The following CELF4 variants were observed in gnomAD, a reference collection of about 807,000 sequenced individuals.
CELF4 encodes the protein CUGBP Elav-like family member 4, also known as CUG-BP- and ETR-3-like factor 4.
In CELF4, 18 loss-of-function variants were observed where a neutral mutation model predicts 59.9. The observed-to-expected ratio is 0.30, with a 90% confidence interval of 0.21 to 0.45. CELF4 has a LOEUF of 0.45. Among genes scored for constraint, CELF4 ranks in the 20% least tolerant of loss-of-function variants. The probability of loss-of-function intolerance (pLI) is 1.00; values close to 1 mark genes in which losing one functional copy is unlikely to be tolerated. For missense variants in CELF4, 456 were observed against 689.0 expected (o/e 0.66, Z 3.79); for synonymous variants, 261 against 267.1 (o/e 0.98, Z 0.22).
At chr18:37,496,655 C>G (rs1336951383) in intron 1 of CELF4, among the ~76,000 whole-genome samples, 1 of 152,202 alleles carries the variant, frequency 6.6e-6, no homozygotes, top group Non-Finnish European at 1.5e-5. Context: ...GAAAATGTGA[C>G]TTTCTTTTTA....
At chr18:37,479,388 C>G (rs777751113) in intron 2 of CELF4, among the ~76,000 whole-genome samples, 43 of 152,210 alleles carry the variant, frequency 2.8e-4, no homozygotes, top group Non-Finnish European at 4.4e-4. Context: ...ATTGTTGACA[C>G]TTGGGGCCAG....
rs5824062 is a variant in CELF4, at chr18:37,427,040, G to A, written c.369+58485C>T. On this transcript the variant is annotated intron_variant, in intron 2 of 12. Transcript: ENST00000420428. ...GGTGCTGGCAGCAGCAGGGACACGG[G>A]GGGGGGGGAAGCTGGGCACCCTGGG... Among the ~76,000 whole-genome samples, 1,120 of 146,606 alleles carry A rather than the reference G, an allele frequency of 7.6e-3. 18 individuals are homozygous for A. Among genetic ancestry groups the A allele is most frequent in the African/African-American group, 0.025 (988 of 39,928 alleles).
chr18:37,302,602 G>T (rs1362477077), intron 3 of CELF4, among the ~76,000 whole-genome samples: 1 of 152,220 alleles, frequency 6.6e-6, no homozygotes, highest in Admixed American at 6.5e-5. Flanking sequence ...TGGAGGTGGG[G>T]AGGTGGAGGG....
chr18:37,476,795 G>A (rs780182748), intron 2 of CELF4, among the ~76,000 whole-genome samples: 5 of 152,144 alleles, frequency 3.3e-5, no homozygotes, highest in African/African-American at 7.2e-5. Flanking sequence ...AGCCTCACAC[G>A]GATTCATGCA....
rs548487872 is a variant in CELF4 at position 37,352,952 on chromosome 18, T to C, written c.370-31071A>G. Among the ~76,000 whole-genome samples the C allele has an allele frequency of 6.6e-5, 10 of 152,116 alleles. No individual in the cohort carries two copies. The East Asian group carries it at 1.9e-3, about 30-fold the overall frequency. On this transcript the variant is annotated intron_variant, in intron 2 of 12. Coordinates refer to ENST00000420428, the MANE Select transcript of CELF4 (RefSeq NM_020180.4). ...AGAACCCTTTCTTGGCCGGGCGCGG[T>C]AGCTCACGCCTGTAATCCCAGCACT...
chr18:37,255,243 T>C lies in CELF4; in HGVS notation c.1334-1305A>G, dbSNP rs1489180487. Among the ~76,000 whole-genome samples, 7 of 151,988 alleles carry C rather than the reference T, an allele frequency of 4.6e-5. No individual in the cohort carries two copies. The East Asian group carries it at 1.4e-3, about 29-fold the overall frequency. On this transcript the variant is annotated intron_variant, in intron 11 of 12. Coordinates refer to ENST00000420428, the MANE Select transcript of CELF4 (RefSeq NM_020180.4). ...CGGGAGTGAAGTAGAAGCCGTCTTCTCAGTTTATTGTCTGTGGTACCTCGG... is the reference window on the plus strand; with the variant it reads ...CGGGAGTGAAGTAGAAGCCGTCTTCCCAGTTTATTGTCTGTGGTACCTCGG...
chr18:37,427,998 T>C (rs914732606), intron 2 of CELF4, among the ~76,000 whole-genome samples: 3 of 152,248 alleles, frequency 2.0e-5, no homozygotes, highest in African/African-American at 7.2e-5. Flanking sequence ...CACCCCGGCA[T>C]ACATGCTTGT....
chr18:37,317,457 A>G (rs2096907633), intron 3 of CELF4, among the ~76,000 whole-genome samples: 1 of 152,238 alleles, frequency 6.6e-6, no homozygotes, highest in Non-Finnish European at 1.5e-5. Context: ...TGTAAATAAC[A>G]GCTTTGTGGA....
intron 2 of CELF4, among the ~76,000 whole-genome samples, chr18:37,439,384 TC>T (rs1330993381): frequency 2.6e-5 from 4 of 152,174 alleles, no homozygotes; most frequent in African/African-American, 9.7e-5. Flanking sequence ...AGGGCTTTTT[TC>T]TGATCATGTG....
intron 12 of CELF4, among the ~76,000 whole-genome samples, chr18:37,248,731 C>T (rs1395633319): frequency 6.6e-6 from 1 of 152,220 alleles, no homozygotes; most frequent in Non-Finnish European, 1.5e-5. Flanking sequence ...GCTGACTTCT[C>T]CACCCCTCAC....
intron 2 of CELF4, among the ~76,000 whole-genome samples, chr18:37,346,662 AGAG>A (rs1302096913): frequency 1.3e-5 from 2 of 152,156 alleles, no homozygotes; most frequent in Non-Finnish European, 2.9e-5. Context: ...GAAGCATCGC[AGAG>A]GAGTGGTTAT....
At chr18:37,457,801 C>T (rs1434456128) in intron 2 of CELF4, among the ~76,000 whole-genome samples, 1 of 152,164 alleles carries the variant, frequency 6.6e-6, no homozygotes, top group Non-Finnish European at 1.5e-5. Flanking sequence ...CATTTTCAAG[C>T]CTGACCCCCA....
At chr18:37,362,823 C>G (rs988345957) in intron 2 of CELF4, among the ~76,000 whole-genome samples, 9 of 152,102 alleles carry the variant, frequency 5.9e-5, no homozygotes, top group African/African-American at 2.2e-4. Context: ...ACATCTCATT[C>G]TGACAAATCT....
In CELF4 at chr18:37,302,659, G is replaced by A. The variant is rs541992794; in HGVS notation, c.448+19144C>T. Among the ~76,000 whole-genome samples the A allele has an allele frequency of 3.0e-3, 450 of 152,312 alleles. 2 individuals carry two copies. Among genetic ancestry groups the A allele is most frequent in the Non-Finnish European group, 5.1e-3 (350 of 68,026 alleles). On this transcript the variant is annotated intron_variant, in intron 3 of 12. Coordinates refer to ENST00000420428, the MANE Select transcript of CELF4 (RefSeq NM_020180.4). ...TTGACGCCTCCCCAGGCTTCCAGGT[G>A]GGAGGCACAGCAGAGTTTCCTGGGT...
rs928793349 is a variant in CELF4, at chr18:37,531,766, A to G, written c.286+33590T>C. On this transcript the variant is annotated intron_variant, in intron 1 of 12. Transcript: ENST00000420428. The stretch of plus-strand genomic sequence containing the variant: ...CGTTCCATCATGGTTTTCAGGATGT[A>G]GGATGCAGCTGAGCATGAGGGGACC... 6.6e-5 allele frequency among the ~76,000 whole-genome samples: 10 copies of G among 152,212 alleles called. 1 individual carries two copies. The South Asian group carries it at 1.7e-3, about 25-fold the overall frequency.
intron 2 of CELF4, among the ~76,000 whole-genome samples, chr18:37,480,890 A>G (rs2099864956): frequency 1.3e-5 from 2 of 152,206 alleles, no homozygotes; most frequent in South Asian, 4.1e-4. Context: ...AGGAAATGGG[A>G]TTAAGAAAGA....
At chr18:37,495,292 C>T (rs949944327) in intron 1 of CELF4, among the ~76,000 whole-genome samples, 3 of 152,102 alleles carry the variant, frequency 2.0e-5, no homozygotes, top group South Asian at 2.1e-4. Context: ...GTGATATGGG[C>T]GACAGACAGG....
intron 3 of CELF4, among the ~76,000 whole-genome samples, chr18:37,302,207 C>G (rs1465336289): frequency 6.6e-6 from 1 of 152,194 alleles, no homozygotes; most frequent in Non-Finnish European, 1.5e-5. Context: ...GATGGAGTTA[C>G]CTGTCCAATG....
intron 1 of CELF4, among the ~76,000 whole-genome samples, chr18:37,493,679 G>A (rs964758612): frequency 3.9e-5 from 6 of 151,958 alleles, no homozygotes; most frequent in African/African-American, 1.5e-4. Flanking sequence ...GGACTGCAGA[G>A]GTGGGGGAGG....
Sources: gnomAD v4.1 joint callset for allele counts (sites outside exome capture counted in the v4.1 genomes callset) on GRCh38, gnomAD v4.1.1 for gene constraint, MANE v1.5 for transcripts, NCBI Gene and HGNC (gene_info 2026-07-23, HGNC 2026-07-21) for gene names.